DST: variants seen among roughly 807,000 people sequenced by gnomAD.
DST encodes dystonin.
Under a neutral mutation model 875.2 loss-of-function variants are expected in DST, and 253 were observed. The observed-to-expected ratio is 0.29, with a 90% confidence interval of 0.26 to 0.32. DST has a LOEUF of 0.32. Among genes scored for constraint, DST ranks in the 10% least tolerant of loss-of-function variants. The pLI is 1.00. For synonymous variants in DST, 3,124 were observed against 3,197.1 expected (o/e 0.98, Z 0.77); for missense variants, 8,287 against 9,111.6 (o/e 0.91, Z 3.68).
At chr6:56,702,043 C>A in intron 7 of DST, 78 bp from the exon 8 acceptor site, 1 of 857,150 alleles carries the variant, frequency 1.2e-6, no homozygotes. Flanking sequence ...AATTTCTGTT[C>A]ATCTTAATAT....
At chr6:56,538,794 A>C (rs1357611393) in intron 61 of DST, among the ~76,000 whole-genome samples, 1 of 152,230 alleles carries the variant, frequency 6.6e-6, no homozygotes. Flanking sequence ...ACACATAATC[A>C]AATAAATTAT....
rs142327887 is a variant in DST, at chr6:56,611,670, A to G, written c.5059-74T>C. ...ACAGTATTTTTTTTAAAAAAAAGAA[A>G]TTAATCAAGCTTTAGTCAAGACCCA... is the stretch of plus-strand genomic sequence containing the variant. On this transcript the variant is annotated intron_variant, in intron 37 of 103. Coordinates refer to ENST00000680361, the MANE Select transcript of DST (RefSeq NM_001374736.1). 2.6e-3 allele frequency: 2,901 copies of G among 1,097,794 alleles called. 55 individuals are homozygous for G. In the Admixed American group the frequency reaches 0.033, roughly 13 times the overall value. The allele number at this position is 1,097,794 out of a possible 1,614,324, so 68.0% of individuals were successfully genotyped here.
chr6:56,517,543 C>A lies in DST; in HGVS notation c.18207G>T (p.Arg6069Ser). The A allele has an allele frequency of 6.2e-7, 1 of 1,613,300 alleles. No homozygotes were observed. Among genetic ancestry groups the A allele is most frequent in the Non-Finnish European group, 8.5e-7 (1 of 1,179,580 alleles). Residue 6069 changes from arginine (R) to serine (S), a missense_variant, in exon 70 of 104, where the codon AGG becomes AGT. Arg to Ser is a moderately radical substitution (Grantham distance 110). Around this residue, in one of 10 missense-constraint regions of DST, gnomAD observed 777 missense variants for 764.8 expected, o/e 1.02. Transcript: ENST00000680361. ...GAGCAGAAGTCTGGTCTTGCTCAAG[C>A]CTGATGTCACCCAGAGACATCAATT... is the stretch of plus-strand genomic sequence containing the variant. The part of the protein sequence containing the change: ...EKKLMSLGDI[R>S]LEQDQTSAQL...
chr6:56,692,847 T>C (rs1269124653), intron 9 of DST: 3 of 1,289,816 alleles, frequency 2.3e-6, no homozygotes, highest in East Asian at 1.1e-4. Context: ...CAGCTACAAC[T>C]TCTGTCTTCT....
chr6:56,694,748 G>T (rs541134891), intron 9 of DST, among the ~76,000 whole-genome samples: 6 of 152,210 alleles, frequency 3.9e-5, no homozygotes, highest in African/African-American at 1.4e-4. Context: ...TGGGCCTAGT[G>T]GGGGGTGTCT....
Position 56,725,139 on chromosome 6 carries a change from C to T in DST, c.687+10089G>A, listed in dbSNP as rs190386351. Among the ~76,000 whole-genome samples, 9 of 152,284 alleles carry T rather than the reference C, an allele frequency of 5.9e-5. No individual in the cohort carries two copies. In the East Asian group the frequency reaches 1.3e-3, roughly 23 times the overall value. ...CTACTAGAAAATAGTTGAGGAGAGACGTGAGTCTAAGCAGCTCAGTCCAGA... is the reference window on the plus strand; with the variant it reads ...CTACTAGAAAATAGTTGAGGAGAGATGTGAGTCTAAGCAGCTCAGTCCAGA... On this transcript the variant is annotated intron_variant, in intron 5 of 103. Transcript: ENST00000680361.
chr6:56,463,601 C>A lies in DST; in HGVS notation c.22923G>T (p.Ala7641=). 6.2e-7 allele frequency: 1 copy of A among 1,605,658 alleles called. No individual in the cohort carries two copies. The highest frequency in any genetic ancestry group is 2.2e-5 in the East Asian group (1 of 44,708). Residue 7641 remains alanine (A), a synonymous_variant, in exon 101 of 104, where the codon GCG becomes GCT. Transcript: ENST00000680361. ...TGGTGGCAGGGACCTGTGGGGAGGC[C>A]GCCTGCGCAGCCTGACTGGACACAG... The part of the protein sequence containing the change: ...STSVSSQAAQ[A]ASPQVPATTT...
intron 5 of DST, among the ~76,000 whole-genome samples, chr6:56,734,205 G>A (rs1330556274): frequency 1.3e-5 from 2 of 152,222 alleles, no homozygotes; most frequent in Non-Finnish European, 2.9e-5. Context: ...TTCTCAACCA[G>A]AGAGTGCGTG....
Position 56,699,719 on chromosome 6 carries a change from A to G in DST, c.981T>C (p.Asp327=). 1 of 1,514,928 alleles carries G rather than the reference A, an allele frequency of 6.6e-7. No individual in the cohort carries two copies. The highest frequency in any genetic ancestry group is 8.9e-7 in the Non-Finnish European group (1 of 1,129,448). The allele number at this position is 1,514,928 out of a possible 1,614,324, so 93.8% of individuals were successfully genotyped here. Residue 327 remains aspartate, a synonymous_variant, in exon 9 of 104, where the codon GAT becomes GAC. Coordinates refer to ENST00000680361, the MANE Select transcript of DST (RefSeq NM_001374736.1). The stretch of plus-strand genomic sequence containing the variant: ...ATTTGGGATTTCCATCTGTTATGTC[A>G]TCATTTCTAATATTCACTAATTTCA... ...RQVKLVNIRN[D]DITDGNPKLT... is the part of the protein sequence containing the mutation.
intron 53 of DST, among the ~76,000 whole-genome samples, chr6:56,571,253 A>G (rs987580790): frequency 6.6e-6 from 1 of 152,234 alleles, no homozygotes; most frequent in African/African-American, 2.4e-5. Flanking sequence ...AGCTGGACTA[A>G]TACTGATAAC....
Position 56,476,173 on chromosome 6 carries a change from C to T in DST, c.21840G>A (p.Val7280=). The T allele has an allele frequency of 1.2e-6, 2 of 1,611,418 alleles. No individual in the cohort carries two copies. The highest frequency in any genetic ancestry group is 1.3e-5 in the African/African-American group (1 of 74,972). Residue 7280 remains valine, a synonymous_variant, in exon 92 of 104, where the codon GTG becomes GTA. Transcript: ENST00000680361. ...CCTGGTGTTCTGCAATGAGTGCTTT[C>T]ACCTCTTCGATCTCCTGGGGGATGA... The part of the protein sequence containing the change: ...KEVIPQEIEE[V]KALIAEHQTF...
At chr6:56,503,590 T>TAC (rs1220256775) in intron 78 of DST, among the ~76,000 whole-genome samples, 3 of 48,418 alleles carry the variant, frequency 6.2e-5, no homozygotes, top group African/African-American at 8.5e-5. Context: ...TCTCTACCTA[T>TAC]ACATACACAC....
chr6:56,628,264 T>C (rs1352070984), intron 32 of DST, 103 bp from the exon 33 acceptor site: 1 of 1,024,484 alleles, frequency 9.8e-7, no homozygotes, highest in Non-Finnish European at 1.5e-6. Flanking sequence ...TGCAATGAAC[T>C]AAGCACAAGA....
In DST at chr6:56,646,195, G is replaced by T; in HGVS notation, c.1555-13C>A. 7.1e-7 allele frequency: 1 copy of T among 1,403,800 alleles called. No individual in the cohort carries two copies. The highest frequency in any genetic ancestry group is 9.6e-7 in the Non-Finnish European group (1 of 1,037,046). 87.0% of individuals were successfully genotyped at this position (1,403,800 alleles called of 1,614,324 possible). On this transcript the variant is annotated splice_polypyrimidine_tract_variant and intron_variant, in intron 13 of 103. Transcript: ENST00000680361. ...GATTATAAAGTGCCTAAAATAAAAA[G>T]GACAAGAAATTAAGGACCAAACTTA...
At position 56,578,679 on chromosome 6, in the gene DST, C is replaced by T. The variant is rs1314860239; in HGVS notation, c.13027+135G>A. 4 of 875,574 alleles carry T rather than the reference C, an allele frequency of 4.6e-6. No individual in the cohort carries two copies. The African/African-American group carries it at 5.1e-5, about 11-fold the overall frequency. 54.2% of individuals were successfully genotyped at this position (875,574 alleles called of 1,614,324 possible). On this transcript the variant is annotated intron_variant, in intron 50 of 103. Coordinates refer to ENST00000680361, the MANE Select transcript of DST (RefSeq NM_001374736.1). Reference sequence around the variant, plus strand: ...AAGAAGGCATGCCTTTTCCCAGATGCAGGAACACCATTTCACAGAGAAAGA... The same window carrying T: ...AAGAAGGCATGCCTTTTCCCAGATGTAGGAACACCATTTCACAGAGAAAGA...
intron 4 of DST, among the ~76,000 whole-genome samples, chr6:56,825,226 T>C (rs1283642818): frequency 6.7e-6 from 1 of 149,248 alleles, no homozygotes; most frequent in Non-Finnish European, 1.5e-5. Context: ...CTGAAACATG[T>C]GCTGTGTCCA....
At chr6:56,668,854 T>A (rs562614769) in intron 10 of DST, among the ~76,000 whole-genome samples, 1 of 151,306 alleles carries the variant, frequency 6.6e-6, no homozygotes, top group Non-Finnish European at 1.5e-5. Flanking sequence ...TTTTTAGACA[T>A]TGAAATTTCC....
chr6:56,600,279 G>T, intron 44 of DST, 58 bp from the exon 45 acceptor site: 1 of 1,509,404 alleles, frequency 6.6e-7, no homozygotes, highest in Non-Finnish European at 9.1e-7. Context: ...AATCGCTATT[G>T]TGATAGCTTC....
intron 80 of DST, among the ~76,000 whole-genome samples, chr6:56,500,649 T>C (rs1243360678): frequency 1.3e-5 from 2 of 151,860 alleles, no homozygotes; most frequent in Non-Finnish European, 2.9e-5. Flanking sequence ...GAAAGAGACA[T>C]GGAAATATGG....
Sources: allele counts gnomAD v4.1 joint callset (sites outside exome capture counted in the v4.1 genomes callset), GRCh38; gene constraint gnomAD v4.1.1; regional missense constraint gnomAD v4.1.1; transcripts MANE v1.5; gene names NCBI Gene and HGNC (gene_info 2026-07-23, HGNC 2026-07-21).